ABCC6: variants seen among roughly 807,000 people sequenced by gnomAD.
ABCC6 encodes ATP binding cassette subfamily C member 6.
In ABCC6, 126 loss-of-function variants were observed where a neutral mutation model predicts 169.5. The observed-to-expected ratio is 0.74, with a 90% confidence interval of 0.64 to 0.86. The LOEUF (loss-of-function observed/expected upper bound fraction) is 0.86. Ranked by LOEUF, ABCC6 falls within the 40% of genes least tolerant of loss-of-function variation. The pLI, the probability that ABCC6 is intolerant of heterozygous loss-of-function variation, is 0.00. For missense variants in ABCC6, 1,733 were observed against 1,927.2 expected, an observed-to-expected ratio of 0.90 and a Z score of 1.89; for synonymous variants, 752 against 814.7, an observed-to-expected ratio of 0.92 and a Z score of 1.31.
intron 10 of ABCC6, among the ~76,000 whole-genome samples, chr16:16,197,639 G>A (rs528237563): frequency 7.3e-4 from 105 of 144,096 alleles, no homozygotes; most frequent in Admixed American, 2.3e-3. Context: ...AGGAAGGGGT[G>A]CAGGAAGAGG....
rs1308404464 is a variant in ABCC6, at chr16:16,192,813, T to C, written c.1431+17A>G. The C allele has an allele frequency of 1.2e-6, 2 of 1,610,114 alleles. No individual in the cohort carries two copies. The highest frequency in any genetic ancestry group is 1.7e-6 in the Non-Finnish European group (2 of 1,176,548). The stretch of plus-strand genomic sequence containing the variant: ...CCCTACTTCCTGCCTGGTCCGTCCC[T>C]TTCCCAAAAGCCAAACCTGATGGTG... On this transcript the variant is annotated intron_variant, in intron 11 of 30. Transcript: ENST00000205557.
chr16:16,188,757 G>A, intron 13 of ABCC6, 74 bp downstream of exon 13: 1 of 1,537,330 alleles, frequency 6.5e-7, no homozygotes, highest in Middle Eastern at 1.9e-4. Context: ...GCAAATGGCA[G>A]GGGTAGGGAA....
intron 6 of ABCC6, among the ~76,000 whole-genome samples, chr16:16,209,977 A>G (rs143358560): frequency 9.2e-5 from 14 of 151,360 alleles, no homozygotes; most frequent in East Asian, 2.0e-4. Context: ...GTGATCTGTC[A>G]GGGTTGGCCT....
At chr16:16,217,215 G>C (rs1230450000) in intron 4 of ABCC6, among the ~76,000 whole-genome samples, 1 of 152,074 alleles carries the variant, frequency 6.6e-6, no homozygotes, top group African/African-American at 2.4e-5. Context: ...TTGGCAGATA[G>C]CAGACAATTG....
intron 13 of ABCC6, among the ~76,000 whole-genome samples, chr16:16,188,274 C>T (rs911084507): frequency 6.6e-6 from 1 of 151,512 alleles, no homozygotes; most frequent in Non-Finnish European, 1.5e-5. Flanking sequence ...TGCCTGTGGT[C>T]CCAGCTACTT....
At chr16:16,222,809 C>T (rs555465399) in intron 1 of ABCC6, among the ~76,000 whole-genome samples, 122 of 152,184 alleles carry the variant, frequency 8.0e-4, no homozygotes, top group African/African-American at 2.8e-3. Context: ...CACAACTCAC[C>T]GGCTGTGCAA....
chr16:16,210,987 C>T (rs1481191731), intron 6 of ABCC6, among the ~76,000 whole-genome samples: 2 of 151,876 alleles, frequency 1.3e-5, no homozygotes, highest in African/African-American at 2.4e-5. Context: ...CCCAGCTGCT[C>T]GGGAGGCTGA....
chr16:16,197,709 T>G (rs997099297), intron 10 of ABCC6, among the ~76,000 whole-genome samples: 18 of 27,850 alleles, frequency 6.5e-4, no homozygotes, highest in East Asian at 1.1e-3. Flanking sequence ...CAGGGAGGGG[T>G]GCAAGAGGAG....
chr16:16,214,267 G>C (rs1256903337), intron 5 of ABCC6, 57 bp downstream of exon 5: 3 of 1,544,340 alleles, frequency 1.9e-6, no homozygotes, highest in South Asian at 2.4e-5. Context: ...TTGGTCACCT[G>C]GGGGAGACTG....
intron 1 of ABCC6, among the ~76,000 whole-genome samples, chr16:16,222,783 T>C (rs888854845): frequency 6.6e-6 from 1 of 152,004 alleles, no homozygotes; most frequent in African/African-American, 2.4e-5. Flanking sequence ...CGCTGTCTTT[T>C]TACTCCTCCT....
intron 5 of ABCC6, among the ~76,000 whole-genome samples, chr16:16,213,082 ATTT>A (rs55813185): frequency 6.5e-5 from 9 of 138,774 alleles, no homozygotes; most frequent in Admixed American, 7.3e-5. Context: ...CCTTCGAGCA[ATTT>A]TTTTTTTTTT....
chr16:16,182,002 C>A, intron 17 of ABCC6: 1 of 275,032 alleles, frequency 3.6e-6, no homozygotes, highest in East Asian at 9.2e-5. Flanking sequence ...TTTGCCAACC[C>A]CTGCCCAATC....
chr16:16,174,786 C>T (rs2047224396), intron 20 of ABCC6, among the ~76,000 whole-genome samples: 1 of 138,790 alleles, frequency 7.2e-6, no homozygotes, highest in African/African-American at 2.7e-5. Flanking sequence ...AACAAAAAAC[C>T]TCAGACACAT....
intron 4 of ABCC6, among the ~76,000 whole-genome samples, chr16:16,218,991 G>A (rs2048978556): frequency 1.9e-5 from 2 of 106,608 alleles, no homozygotes; most frequent in South Asian, 3.9e-4. Flanking sequence ...TTGAACCCGA[G>A]AGGCAGAAAT....
chr16:16,208,740 C>G lies in ABCC6; in HGVS notation c.782G>C (p.Ser261Thr), dbSNP rs781119252. ...TCCACCCACTTACCTCCGGGCTGCA[C>G]TGCGGTTCCTCATCCACTCCTTTTC... ...RLEKEWMRNR[S>T]AARRHNKAIA... The change falls in exon 7 of 31, where the codon AGT becomes ACT. Residue 261 changes from serine to threonine, a missense_variant. This residue lies in a region of ABCC6 where 1,601 missense variants were observed against 1,635.5 expected (regional missense o/e 0.98). Transcript: ENST00000205557. 1.9e-6 allele frequency: 3 copies of G among 1,613,562 alleles called. No homozygotes were observed. Among genetic ancestry groups the G allele is most frequent in the Non-Finnish European group, 2.5e-6 (3 of 1,179,666 alleles).
intron 22 of ABCC6, among the ~76,000 whole-genome samples, chr16:16,168,255 G>T (rs4781731): frequency 0.068 from 3,437 of 50,340 alleles, no homozygotes; most frequent in South Asian, 0.2. Context: ...ACTTTGGGAG[G>T]TTGAGGCGGA....
intron 2 of ABCC6, 111 bp from the exon 3 acceptor site, chr16:16,220,058 C>A (rs2049023514): frequency 2.2e-6 from 3 of 1,382,236 alleles, no homozygotes; most frequent in Non-Finnish European, 3.0e-6. Context: ...CTGGCTGATA[C>A]TGAGTATACC....
chr16:16,205,279 G>C (rs796962372), intron 7 of ABCC6, among the ~76,000 whole-genome samples: 12 of 152,302 alleles, frequency 7.9e-5, no homozygotes, highest in African/African-American at 2.9e-4. Flanking sequence ...TTACAGAAGG[G>C]GAAGCTGAGG....
chr16:16,156,568 G>C (rs1036270681), intron 27 of ABCC6, among the ~76,000 whole-genome samples: 1 of 152,278 alleles, frequency 6.6e-6, no homozygotes, highest in African/African-American at 2.4e-5. Flanking sequence ...CCAAGCTCAG[G>C]AATTCACACT....
Sources: gnomAD v4.1 joint callset for allele counts (sites outside exome capture counted in the v4.1 genomes callset) on GRCh38, gnomAD v4.1.1 for gene constraint, gnomAD v4.1.1 regional missense constraint, MANE v1.5 for transcripts, NCBI Gene and HGNC (gene_info 2026-07-23, HGNC 2026-07-21) for gene names.